PRDM9: variants seen among roughly 807,000 people sequenced by gnomAD.
PRDM9 encodes PR/SET domain 9.
Under a neutral mutation model 55.6 loss-of-function variants are expected in PRDM9, and 47 were observed. The ratio of observed to expected loss-of-function variants is 0.85; its 90% CI spans 0.67 to 1.08. PRDM9 has a LOEUF of 1.08. Ranked by LOEUF, PRDM9 falls within the 50% of genes least tolerant of loss-of-function variation. The pLI, the probability that PRDM9 is intolerant of heterozygous loss-of-function variation, is 0.00. For missense variants in PRDM9, 867 were observed against 1,040.3 expected (o/e 0.83, Z 2.29); for synonymous variants, 312 against 375.7 (o/e 0.83, Z 1.96).
chr5:23,518,688 A>G (rs1739268015), intron 5 of PRDM9, among the ~76,000 whole-genome samples: 1 of 152,196 alleles, frequency 6.6e-6, no homozygotes, highest in Non-Finnish European at 1.5e-5. Context: ...CATCCTATTA[A>G]GTAAAAATAT....
At position 23,522,732 on chromosome 5, in the gene PRDM9, C is replaced by T. The variant is rs748410299; in HGVS notation, c.729C>T (p.Pro243=). ...GHPNRSALSL[P]PGLRIGPSGI... ...CCAACCGTTCAGCCCTCAGTCTGCC[C>T]CCAGGGCTGAGAATTGGGCCATCAG... Residue 243 remains proline, a synonymous_variant, in exon 8 of 11, where the codon CCC becomes CCT. Coordinates refer to ENST00000296682, the MANE Select transcript of PRDM9 (RefSeq NM_020227.4). 1.9e-6 allele frequency: 3 copies of T among 1,614,188 alleles called. No homozygotes were observed. Among genetic ancestry groups the T allele is most frequent in the Non-Finnish European group, 2.5e-6 (3 of 1,180,044 alleles).
rs550917615 is a variant in PRDM9, at chr5:23,527,405, G to A, written c.2317G>A (p.Glu773Lys). Residue 773 changes from glutamate to lysine, a missense_variant, in exon 11 of 11, where the codon GAG becomes AAG. By Grantham distance (56) the Glu-to-Lys change is moderately conservative. Around this residue, in one of 5 missense-constraint regions of PRDM9, gnomAD observed 92 missense variants for 185.7 expected, o/e 0.50. Transcript: ENST00000296682. The stretch of plus-strand genomic sequence containing the variant: ...CAGACACCAGAGGACACACACAGGG[G>A]AGAAGCCCTATGTCTGCAGGGAGTG... ...LLRHQRTHTG[E>K]KPYVCRECGR... The A allele has an allele frequency of 3.1e-6, 5 of 1,592,826 alleles. No individual in the cohort carries two copies. Among genetic ancestry groups the A allele is most frequent in the Non-Finnish European group, 4.3e-6 (5 of 1,173,124 alleles).
chr5:23,522,261 C>A (rs1739340378), intron 6 of PRDM9, 43 bp from the exon 7 acceptor site: 4 of 1,489,888 alleles, frequency 2.7e-6, no homozygotes, highest in Non-Finnish European at 3.7e-6. Flanking sequence ...AGGACAAACA[C>A]CCCAGATTCC....
rs1739055673 is a variant in PRDM9 at position 23,509,911 on chromosome 5, T to G, written c.194-9T>G. Reference sequence around the variant, plus strand: ...TCCATTTTAGAACAAAATTTTTGCTTCTTTTCAGGTCTCAGAGCCACTCGA... The same window carrying G: ...TCCATTTTAGAACAAAATTTTTGCTGCTTTTCAGGTCTCAGAGCCACTCGA... On this transcript the variant is annotated splice_polypyrimidine_tract_variant and intron_variant, in intron 3 of 10. Coordinates refer to ENST00000296682, the MANE Select transcript of PRDM9 (RefSeq NM_020227.4). The G allele has an allele frequency of 7.4e-6, 12 of 1,614,070 alleles. No homozygotes were observed. Among genetic ancestry groups the G allele is most frequent in the East Asian group, 6.7e-5 (3 of 44,868 alleles).
In PRDM9 at chr5:23,526,579, G is replaced by T. The variant is rs536047035; in HGVS notation, c.1491G>T (p.Glu497Asp). The T allele has an allele frequency of 1.9e-6, 3 of 1,614,186 alleles. No homozygotes were observed. Among genetic ancestry groups the T allele is most frequent in the African/African-American group, 2.7e-5 (2 of 75,052 alleles). Reference sequence around the variant, plus strand: ...TGGGAAAAAGAATAATGGAAGAAGAGTCCAGAACAGGCCAGAAAGTGAATC... The same window carrying T: ...TGGGAAAAAGAATAATGGAAGAAGATTCCAGAACAGGCCAGAAAGTGAATC... ...CRVGKRIMEE[E>D]SRTGQKVNPG... The change falls in exon 11 of 11, where the codon GAG becomes GAT. Residue 497 changes from glutamate (E) to aspartate (D), a missense_variant. Transcript: ENST00000296682.
rs1176288365 is a variant in PRDM9, at chr5:23,521,081, C to T, written c.410C>T (p.Ala137Val). The change falls in exon 6 of 11, where the codon GCA becomes GTA. Residue 137 changes from alanine (A) to valine (V), a missense_variant. Ala to Val is a moderately conservative substitution (Grantham distance 64). Coordinates refer to ENST00000296682, the MANE Select transcript of PRDM9 (RefSeq NM_020227.4). ...AGTTTGAAAGAATTGTCAAGAACAG[C>T]AAATTTACTGAATGCAAGTGGCTCA... ...ESSLKELSRT[A>V]NLLNASGSEQ... 2 of 1,614,056 alleles carry T rather than the reference C, an allele frequency of 1.2e-6. No individual in the cohort carries two copies. Among genetic ancestry groups the T allele is most frequent in the African/African-American group, 1.3e-5 (1 of 74,940 alleles).
intron 9 of PRDM9, 22 bp downstream of exon 9, chr5:23,523,380 G>A: frequency 1.9e-6 from 3 of 1,595,372 alleles, no homozygotes; most frequent in Non-Finnish European, 2.6e-6. Flanking sequence ...AGCTCTCTGA[G>A]TTGCAGAGAG....
intron 7 of PRDM9, 50 bp from the exon 8 acceptor site, chr5:23,522,564 C>T (rs1422126324): frequency 1.9e-6 from 3 of 1,612,788 alleles, no homozygotes; most frequent in South Asian, 2.2e-5. Flanking sequence ...GCTCTTATAT[C>T]AAGGAACATG....
At chr5:23,516,350 T>C (rs1228320423) in intron 4 of PRDM9, among the ~76,000 whole-genome samples, 1 of 152,152 alleles carries the variant, frequency 6.6e-6, no homozygotes, top group Non-Finnish European at 1.5e-5. Context: ...ATTTGGGGTG[T>C]TGATTTTGTA....
chr5:23,519,827 C>G (rs1409114657), intron 5 of PRDM9, among the ~76,000 whole-genome samples: 2 of 151,246 alleles, frequency 1.3e-5, no homozygotes, highest in Non-Finnish European at 1.5e-5. Context: ...GCAGATCACC[C>G]GAAGTCAGGA....
intron 9 of PRDM9, among the ~76,000 whole-genome samples, chr5:23,523,959 G>C (rs547118668): frequency 6.6e-6 from 1 of 152,274 alleles, no homozygotes; most frequent in Non-Finnish European, 1.5e-5. Flanking sequence ...CACTAATCTA[G>C]AAGCAGAGTA....
chr5:23,521,842 A>G (rs1739333774), intron 6 of PRDM9, among the ~76,000 whole-genome samples: 1 of 152,202 alleles, frequency 6.6e-6, no homozygotes, highest in East Asian at 1.9e-4. Context: ...GAACCCATAC[A>G]TGCAAGGTGT....
Position 23,517,873 on chromosome 5 carries a change from C to G in PRDM9, c.302-8C>G, listed in dbSNP as rs1394586754. 1.3e-6 allele frequency: 2 copies of G among 1,584,444 alleles called. No homozygotes were observed. Among genetic ancestry groups the G allele is most frequent in the Non-Finnish European group, 1.7e-6 (2 of 1,153,068 alleles). ...CAACCAAACCACTGATTTCTCATCA[C>G]CTTTTAGTCAAACCTCCTTGGATGG... On this transcript the variant is annotated splice_polypyrimidine_tract_variant and splice_region_variant and intron_variant, in intron 4 of 10. Coordinates refer to ENST00000296682, the MANE Select transcript of PRDM9 (RefSeq NM_020227.4).
At chr5:23,520,331 C>A (rs1270910408) in intron 5 of PRDM9, among the ~76,000 whole-genome samples, 3 of 133,658 alleles carry the variant, frequency 2.2e-5, no homozygotes, top group Non-Finnish European at 3.1e-5. Context: ...TGCCACTGCA[C>A]TTCAGCCTAG....
rs369637146 is a variant in PRDM9, at chr5:23,522,357, G to T, written c.562G>T (p.Gly188Cys). ...RKMYSLRERK[G>C]HAYKEVSEPQ... ...GATGTATAGCCTGCGAGAAAGAAAG[G>T]GTCATGCATACAAAGAGGTCAGCGA... Residue 188 changes from glycine (G) to cysteine (C), a missense_variant, in exon 7 of 11, where the codon GGT (glycine) becomes TGT (cysteine). Coordinates refer to ENST00000296682, the MANE Select transcript of PRDM9 (RefSeq NM_020227.4). 1.9e-6 allele frequency: 3 copies of T among 1,614,088 alleles called. No homozygotes were observed. Among genetic ancestry groups the T allele is most frequent in the East Asian group, 2.2e-5 (1 of 44,870 alleles).
chr5:23,517,746 C>A (rs754439749), intron 4 of PRDM9, 135 bp from the exon 5 acceptor site: 1 of 827,288 alleles, frequency 1.2e-6, no homozygotes, highest in Non-Finnish European at 2.0e-6. Context: ...GAGATTGAGC[C>A]ACTGCACTCC....
At chr5:23,520,575 A>G (rs920758995) in intron 5 of PRDM9, among the ~76,000 whole-genome samples, 4 of 151,950 alleles carry the variant, frequency 2.6e-5, no homozygotes, top group East Asian at 1.9e-4. Context: ...ATTTTTGCCA[A>G]TCGTCTCTTT....
intron 8 of PRDM9, 91 bp downstream of exon 8, chr5:23,522,976 G>C: frequency 1.3e-6 from 2 of 1,597,546 alleles, no homozygotes; most frequent in Non-Finnish European, 1.7e-6. Context: ...TTAGTATATA[G>C]GTAAGGATAA....
At position 23,522,689 on chromosome 5, in the gene PRDM9, C is replaced by T; in HGVS notation, c.686C>T (p.Ala229Val). The change falls in exon 8 of 11, where the codon GCA (alanine) becomes GTA (valine). Residue 229 changes from alanine to valine, a missense_variant. Ala to Val is a moderately conservative substitution (Grantham distance 64). Coordinates refer to ENST00000296682, the MANE Select transcript of PRDM9 (RefSeq NM_020227.4). The stretch of plus-strand genomic sequence containing the variant: ...CCCCCTACATTTGTAAAGGACAGTG[C>T]AGTGGACAAGGGGCACCCCAACCGT... ...HGPPTFVKDS[A>V]VDKGHPNRSA... 4 of 1,614,200 alleles carry T rather than the reference C, an allele frequency of 2.5e-6. No individual in the cohort carries two copies. The highest frequency in any genetic ancestry group is 3.4e-6 in the Non-Finnish European group (4 of 1,180,030).
Sources: gnomAD v4.1 joint callset for allele counts (sites outside exome capture counted in the v4.1 genomes callset) on GRCh38, gnomAD v4.1.1 for gene constraint, gnomAD v4.1.1 regional missense constraint, MANE v1.5 for transcripts, NCBI Gene and HGNC (gene_info 2026-07-23, HGNC 2026-07-21) for gene names.